Variants in CREB5 observed in about 807,000 individuals in gnomAD.
CREB5 encodes cyclic AMP-responsive element-binding protein 5.
CREB5 carries 19 observed loss-of-function variants against 57.1 expected under a neutral mutation model. The ratio of observed to expected loss-of-function variants is 0.33; its 90% CI spans 0.23 to 0.49. The LOEUF is 0.49. Ranked by LOEUF, CREB5 falls within the 20% of genes least tolerant of loss-of-function variation. The pLI, the probability that CREB5 is intolerant of heterozygous loss-of-function variation, is 0.99. For missense variants in CREB5, 579 were observed against 671.6 expected, an observed-to-expected ratio of 0.86 and a Z score of 1.52; for synonymous variants, 238 against 238.3, an observed-to-expected ratio of 1.00 and a Z score of 0.01.
At chr7:28,408,766 T>TG (rs1411391187), upstream of CREB5, among the ~76,000 whole-genome samples, 32 of 151,960 alleles carry the variant, frequency 2.1e-4, no homozygotes, top group African/African-American at 6.0e-4. Flanking sequence ...GGAGGTGAGA[T>TG]GAGGGGGCGG....
At chr7:28,541,999 A>G (rs1794229129) in intron 4 of CREB5, among the ~76,000 whole-genome samples, 1 of 152,218 alleles carries the variant, frequency 6.6e-6, no homozygotes, top group Non-Finnish European at 1.5e-5. Flanking sequence ...AGCTATTTAT[A>G]GTTTTGGCTT....
intron 5 of CREB5, among the ~76,000 whole-genome samples, chr7:28,639,371 T>C (rs1016738802): frequency 6.6e-6 from 1 of 152,186 alleles, no homozygotes; most frequent in Non-Finnish European, 1.5e-5. Context: ...ATTAGGCATT[T>C]TGGGAGGCTT....
At chr7:28,616,406 A>C (rs954392254) in intron 5 of CREB5, among the ~76,000 whole-genome samples, 1 of 152,136 alleles carries the variant, frequency 6.6e-6, no homozygotes, top group Admixed American at 6.5e-5. Context: ...GTTACCCTGA[A>C]TTCCAGTTCA....
intron 5 of CREB5, among the ~76,000 whole-genome samples, chr7:28,678,227 A>C (rs973736236): frequency 6.6e-6 from 1 of 152,028 alleles, no homozygotes; most frequent in African/African-American, 2.4e-5. Flanking sequence ...GTCCCTACTA[A>C]GAATGCAAAA....
intron 5 of CREB5, among the ~76,000 whole-genome samples, chr7:28,587,423 C>T (rs564138362): frequency 2.0e-4 from 30 of 152,154 alleles, no homozygotes; most frequent in African/African-American, 6.5e-4. Context: ...TGCTGTGAGT[C>T]ATCAGTGCGC....
chr7:28,487,840 C>T (rs897619825), intron 1 of CREB5, among the ~76,000 whole-genome samples: 2 of 152,178 alleles, frequency 1.3e-5, no homozygotes, highest in African/African-American at 2.4e-5. Flanking sequence ...TGCCTGAGAA[C>T]CTTCTTGCAT....
chr7:28,762,994 A>C (rs1314753237), intron 7 of CREB5, among the ~76,000 whole-genome samples: 2 of 152,156 alleles, frequency 1.3e-5, no homozygotes, highest in African/African-American at 4.8e-5. Flanking sequence ...CACAGCATTT[A>C]CCCAGACAAG....
At chr7:28,563,613 C>A (rs1283223519) in intron 4 of CREB5, among the ~76,000 whole-genome samples, 3 of 152,196 alleles carry the variant, frequency 2.0e-5, no homozygotes, top group African/African-American at 4.8e-5. Flanking sequence ...GCAGCCCCAA[C>A]CTCCTGGGCT....
chr7:28,515,210 A>G (rs1230460565), intron 4 of CREB5, among the ~76,000 whole-genome samples: 1 of 152,212 alleles, frequency 6.6e-6, no homozygotes, highest in African/African-American at 2.4e-5. Flanking sequence ...AGTTTTCTCC[A>G]TTGGAAATGC....
intron 1 of CREB5, among the ~76,000 whole-genome samples, chr7:28,439,243 C>A (rs543092723): frequency 3.7e-4 from 56 of 152,232 alleles, no homozygotes; most frequent in African/African-American, 1.3e-3. Context: ...TTCTTCACTG[C>A]CCATAGGGTA....
At chr7:28,668,790 G>A (rs984337395) in intron 5 of CREB5, among the ~76,000 whole-genome samples, 2 of 152,112 alleles carry the variant, frequency 1.3e-5, no homozygotes, top group East Asian at 1.9e-4. Flanking sequence ...GGCCTCAAGC[G>A]TGCCATGGCA....
At chr7:28,660,886 C>G (rs1258624665) in intron 5 of CREB5, among the ~76,000 whole-genome samples, 1 of 152,198 alleles carries the variant, frequency 6.6e-6, no homozygotes, top group East Asian at 1.9e-4. Context: ...ATTCCCCCTC[C>G]TTGCTCTTCA....
At chr7:28,784,441 T>A (rs760589344) in intron 7 of CREB5, among the ~76,000 whole-genome samples, 8 of 152,138 alleles carry the variant, frequency 5.3e-5, no homozygotes, top group Non-Finnish European at 1.5e-5. Context: ...AATTAGCCAC[T>A]CTAACCCTTT....
intron 5 of CREB5, among the ~76,000 whole-genome samples, chr7:28,699,333 A>T (rs1047594214): frequency 4.6e-5 from 7 of 152,214 alleles, no homozygotes; most frequent in Non-Finnish European, 8.8e-5. Context: ...ATTTCAATTC[A>T]TCGTAGACCA....
intron 4 of CREB5, among the ~76,000 whole-genome samples, chr7:28,520,625 CAG>C (rs1793165595): frequency 6.6e-6 from 1 of 152,172 alleles, no homozygotes; most frequent in Non-Finnish European, 1.5e-5. Context: ...CTCTGTGGCA[CAG>C]AGAGAGGGGA....
At chr7:28,432,267 C>A (rs774277124) in intron 1 of CREB5, among the ~76,000 whole-genome samples, 1 of 152,162 alleles carries the variant, frequency 6.6e-6, no homozygotes, top group Non-Finnish European at 1.5e-5. Context: ...GTATTAGTTT[C>A]ATGTGACAGA....
intron 4 of CREB5, among the ~76,000 whole-genome samples, chr7:28,525,712 A>G (rs1460429195): frequency 6.6e-6 from 1 of 152,168 alleles, no homozygotes. Context: ...CATAAATATA[A>G]TAGACATAAG....
In CREB5 at chr7:28,812,480, C is replaced by T. The variant is rs190313355; in HGVS notation, c.1254+3066C>T. Among the ~76,000 whole-genome samples, 327 of 151,684 alleles carry T rather than the reference C, an allele frequency of 2.2e-3. 2 individuals carry two copies. The highest frequency in any genetic ancestry group is 7.5e-3 in the African/African-American group (311 of 41,346). The stretch of plus-strand genomic sequence containing the variant: ...TTCACATTTCTTTAGAGCCAAATGG[C>T]TAAGGAAAAAAAGAAACTAGAACTC... On this transcript the variant is annotated intron_variant, in intron 9 of 10. Coordinates refer to ENST00000357727, the MANE Select transcript of CREB5 (RefSeq NM_182898.4).
At chr7:28,535,707 A>G (rs1793938540) in intron 4 of CREB5, among the ~76,000 whole-genome samples, 1 of 152,080 alleles carries the variant, frequency 6.6e-6, no homozygotes. Flanking sequence ...AAGAGAAGTA[A>G]TGGAAAGGAG....
Sources: gnomAD v4.1 joint callset for allele counts (sites outside exome capture counted in the v4.1 genomes callset) on GRCh38, gnomAD v4.1.1 for gene constraint, MANE v1.5 for transcripts, NCBI Gene and HGNC (gene_info 2026-07-23, HGNC 2026-07-21) for gene names.